The following XXYLT1 variants were observed in gnomAD, a reference collection of about 807,000 sequenced individuals.
XXYLT1 encodes xyloside xylosyltransferase 1.
A neutral mutation model predicts 28.9 loss-of-function variants in XXYLT1; 20 were observed. The observed-to-expected ratio is 0.69, with a 90% CI of 0.49 to 1.00. The LOEUF (loss-of-function observed/expected upper bound fraction) is 1.00, where lower values mean the gene tolerates loss of function less well. Ranked by LOEUF, XXYLT1 falls within the 50% of genes least tolerant of loss-of-function variation. XXYLT1 has a pLI of 0.00. For missense variants in XXYLT1, 542 were observed against 560.1 expected, an observed-to-expected ratio of 0.97 and a Z score of 0.33; for synonymous variants, 257 against 253.8, an observed-to-expected ratio of 1.01 and a Z score of -0.12.
At chr3:195,080,625 C>T (rs1353158431) in intron 3 of XXYLT1, among the ~76,000 whole-genome samples, 1 of 152,208 alleles carries the variant, frequency 6.6e-6, no homozygotes, top group Non-Finnish European at 1.5e-5. Flanking sequence ...TCACTGTCCC[C>T]GACAGCCTCA....
In XXYLT1 at chr3:195,256,860, G is replaced by A. The variant is rs181327215; in HGVS notation, c.504+13695C>T. Among the ~76,000 whole-genome samples the A allele has an allele frequency of 7.3e-3, 1,109 of 152,286 alleles. 11 individuals are homozygous for A. The highest frequency in any genetic ancestry group is 0.014 in the Middle Eastern group (4 of 294). ...GTGCAGGCTGAAGAGCTTGCCCAGG[G>A]CACTGCCTGCCAGCCGGGGCTCTAG... On this transcript the variant is annotated intron_variant, in intron 1 of 3. Transcript: ENST00000310380. The surrounding 1 kb of genome is among the most constrained non-coding windows in gnomAD (Gnocchi z 4.2).
At position 195,069,837 on chromosome 3, in the gene XXYLT1, G is replaced by T; in HGVS notation, c.1060C>A (p.Arg354=). 1 of 1,614,154 alleles carries T rather than the reference G, an allele frequency of 6.2e-7. No homozygotes were observed. The highest frequency in any genetic ancestry group is 8.5e-7 in the Non-Finnish European group (1 of 1,180,022). The change falls in exon 4 of 4, where the codon CGG becomes AGG. Residue 354 remains arginine (R), a synonymous_variant. Coordinates refer to ENST00000310380, the MANE Select transcript of XXYLT1 (RefSeq NM_152531.5). ...TCCCTCCACCAGGTGCACAGCTGCCGGTTCCAGGTACAGTCCAGCACATGG... is the reference window on the plus strand; with the variant it reads ...TCCCTCCACCAGGTGCACAGCTGCCTGTTCCAGGTACAGTCCAGCACATGG... ...LFHVLDCTWN[R]QLCTWWRDHG...
Position 195,087,915 on chromosome 3 carries a change from A to C in XXYLT1, c.786-17804T>G, listed in dbSNP as rs181398269. On this transcript the variant is annotated intron_variant, in intron 3 of 3. Transcript: ENST00000310380. ...GTTCCCTTTCAAAGGGAGTCAAAGA[A>C]AGGGGTGACAGACGCACCTGGAAAA... Among the ~76,000 whole-genome samples, 135 of 151,870 alleles carry C rather than the reference A, an allele frequency of 8.9e-4. 5 individuals carry two copies. Among genetic ancestry groups the C allele is most frequent in the African/African-American group, 3.0e-3 (123 of 41,146 alleles).
chr3:195,220,275 G>A (rs1354581259), intron 2 of XXYLT1, among the ~76,000 whole-genome samples: 2 of 152,172 alleles, frequency 1.3e-5, no homozygotes, highest in East Asian at 3.8e-4. Flanking sequence ...CCAAGTAGCT[G>A]GGACTACAGG....
At chr3:195,089,440 A>T (rs1215789551) in intron 3 of XXYLT1, among the ~76,000 whole-genome samples, 2 of 152,130 alleles carry the variant, frequency 1.3e-5, no homozygotes, top group Non-Finnish European at 2.9e-5. Context: ...TTCATAAGTG[A>T]AGGAGAAATA....
At chr3:195,097,264 G>A (rs1716499827) in intron 3 of XXYLT1, among the ~76,000 whole-genome samples, 1 of 152,242 alleles carries the variant, frequency 6.6e-6, no homozygotes, top group African/African-American at 2.4e-5. Flanking sequence ...GACAGACAGA[G>A]AGATATACTG....
intron 1 of XXYLT1, among the ~76,000 whole-genome samples, chr3:195,263,072 T>C (rs1725742382): frequency 1.3e-5 from 2 of 152,216 alleles, no homozygotes; most frequent in South Asian, 2.1e-4. Flanking sequence ...CACCTGTTTG[T>C]CATTAGCTTC....
intron 2 of XXYLT1, among the ~76,000 whole-genome samples, chr3:195,167,897 C>T (rs933605368): frequency 3.3e-5 from 5 of 152,208 alleles, no homozygotes; most frequent in African/African-American, 9.7e-5. Context: ...CTTGAGGCAG[C>T]AATGACCCGC....
intron 3 of XXYLT1, among the ~76,000 whole-genome samples, chr3:195,145,432 G>A (rs984273387): frequency 5.4e-5 from 8 of 147,470 alleles, no homozygotes; most frequent in African/African-American, 2.0e-4. Context: ...CTCACTCCAC[G>A]GTGACTGGCA....
At chr3:195,233,516 T>C (rs1724391315) in intron 1 of XXYLT1, among the ~76,000 whole-genome samples, 1 of 152,250 alleles carries the variant, frequency 6.6e-6, no homozygotes, top group African/African-American at 2.4e-5. Context: ...CCATTGTATG[T>C]TTTTAGACTT....
At chr3:195,131,531 G>A (rs896991901) in intron 3 of XXYLT1, among the ~76,000 whole-genome samples, 25 of 152,234 alleles carry the variant, frequency 1.6e-4, no homozygotes, top group African/African-American at 6.0e-4. Flanking sequence ...GCAAGAAAGT[G>A]CATCTCCAGA....
chr3:195,128,571 T>C (rs1235991277), intron 3 of XXYLT1, among the ~76,000 whole-genome samples: 1 of 152,200 alleles, frequency 6.6e-6, no homozygotes, highest in Non-Finnish European at 1.5e-5. Flanking sequence ...CCCGGGCTCC[T>C]GGACTAAACT....
At chr3:195,237,567 G>A (rs569951316) in intron 1 of XXYLT1, among the ~76,000 whole-genome samples, 8 of 85,150 alleles carry the variant, frequency 9.4e-5, no homozygotes, top group South Asian at 3.9e-4. Flanking sequence ...GGTGTAGATC[G>A]TTGTCAAATT....
At chr3:195,164,713 C>T (rs1254695058) in intron 2 of XXYLT1, among the ~76,000 whole-genome samples, 2 of 152,230 alleles carry the variant, frequency 1.3e-5, no homozygotes, top group Non-Finnish European at 2.9e-5. Flanking sequence ...GTTGACACCT[C>T]CTGAAATTGT....
chr3:195,073,432 T>TA, intron 3 of XXYLT1, among the ~76,000 whole-genome samples: 1 of 151,278 alleles, frequency 6.6e-6, no homozygotes, highest in African/African-American at 2.4e-5. Context: ...TAAATGCAGG[T>TA]ATTTGGTTCT....
chr3:195,152,807 T>C (rs1207655155), intron 3 of XXYLT1: 3 of 152,260 alleles, frequency 2.0e-5, no homozygotes. Context: ...TCCAAATCTA[T>C]TCCTGCTCAG....
chr3:195,265,647 C>G (rs1725826774), intron 1 of XXYLT1, among the ~76,000 whole-genome samples: 1 of 152,196 alleles, frequency 6.6e-6, no homozygotes, highest in African/African-American at 2.4e-5. Context: ...TGATCATTTT[C>G]CCAGAAGTCA....
At chr3:195,155,626 T>C (rs1467881487) in intron 3 of XXYLT1, among the ~76,000 whole-genome samples, 1 of 151,714 alleles carries the variant, frequency 6.6e-6, no homozygotes, top group Non-Finnish European at 1.5e-5. Flanking sequence ...AACTGAGACC[T>C]TGCAGCTCTC....
intron 2 of XXYLT1, among the ~76,000 whole-genome samples, chr3:195,193,252 C>T (rs1382782922): frequency 6.7e-6 from 1 of 150,064 alleles, no homozygotes; most frequent in African/African-American, 2.5e-5. Context: ...CACACCACTG[C>T]ACTCCAGCCT....
Sources: gnomAD v4.1 joint callset for allele counts (sites outside exome capture counted in the v4.1 genomes callset) on GRCh38, gnomAD v4.1.1 for gene constraint, Gnocchi (gnomAD v3.1) non-coding constraint, MANE v1.5 for transcripts, NCBI Gene and HGNC (gene_info 2026-07-23, HGNC 2026-07-21) for gene names.